The following PPIC variants were observed in gnomAD, a reference collection of about 807,000 sequenced individuals.
PPIC encodes peptidyl-prolyl cis-trans isomerase C.
PPIC carries 19 observed loss-of-function variants against 19.5 expected under a neutral mutation model. The ratio of observed to expected loss-of-function variants is 0.98; its 90% confidence interval spans 0.68 to 1.43. PPIC has a LOEUF of 1.43. Ranked by LOEUF, PPIC falls within the 40% of genes most tolerant of loss-of-function variation. The pLI is 0.00. For synonymous variants in PPIC, 107 were observed against 101.2 expected, an observed-to-expected ratio of 1.06 and a Z score of -0.34; for missense variants, 268 against 268.6, an observed-to-expected ratio of 1.00 and a Z score of 0.02.
intron 1 of PPIC, among the ~76,000 whole-genome samples, chr5:123,031,915 G>A (rs758997957): frequency 1.3e-5 from 2 of 152,210 alleles, no homozygotes; most frequent in Non-Finnish European, 2.9e-5. Flanking sequence ...TTGTGCCTCA[G>A]CCTCCAGAGT....
At chr5:123,026,479 T>C (rs1762856126) in intron 3 of PPIC, among the ~76,000 whole-genome samples, 2 of 152,066 alleles carry the variant, frequency 1.3e-5, no homozygotes, top group African/African-American at 4.8e-5. Flanking sequence ...CCCTGAAGAG[T>C]AGGTATTCTC....
At position 123,023,799 on chromosome 5, in the gene PPIC, GACA is replaced by G; in HGVS notation, c.*73_*75del. 8.3e-7 allele frequency: 1 copy of G among 1,202,644 alleles called. No individual in the cohort carries two copies. The highest frequency in any genetic ancestry group is 1.1e-6 in the Non-Finnish European group (1 of 922,012). The allele number at this position is 1,202,644 out of a possible 1,614,324, so 74.5% of individuals were successfully genotyped here. The stretch of plus-strand genomic sequence containing the variant: ...AAAAAAAAAAAGCAAATAATTGAAA[GACA>G]ACACAACACACACACACACACACAC... On this transcript the variant is annotated 3_prime_UTR_variant, in exon 5 of 5. Transcript: ENST00000306442.
Position 123,036,589 on chromosome 5 carries a change from G to A in PPIC, c.37C>T (p.Leu13Phe). ...ACAAGTGCGCCGAGCCCCACGCAAA[G>A]CACGAGAGGTAGCAGCAGCCGAGGA... ...PGPRLLLPLV[L>F]CVGLGALVFS... The change falls in exon 1 of 5, where the codon CTT becomes TTT. Residue 13 changes from leucine (L) to phenylalanine (F), a missense_variant. Transcript: ENST00000306442. This position sits in a 1 kb window ranked among gnomAD's most constrained non-coding sequence, Gnocchi z 4.5. 6.3e-7 allele frequency: 1 copy of A among 1,597,914 alleles called. No homozygotes were observed. Among genetic ancestry groups the A allele is most frequent in the African/African-American group, 1.3e-5 (1 of 74,882 alleles).
At chr5:123,032,815 G>A (rs1426167582) in intron 1 of PPIC, among the ~76,000 whole-genome samples, 1 of 152,152 alleles carries the variant, frequency 6.6e-6, no homozygotes, top group East Asian at 1.9e-4. Context: ...GATAAGTGTG[G>A]GCTTCCTGGG....
At chr5:123,026,604 G>C (rs991103510) in intron 3 of PPIC, among the ~76,000 whole-genome samples, 10 of 152,208 alleles carry the variant, frequency 6.6e-5, no homozygotes, top group African/African-American at 2.4e-4. Context: ...TCAGCACCAA[G>C]AGCAATAGCA....
chr5:123,036,328 G>C lies in PPIC; in HGVS notation c.117+181C>G. 2 of 608,438 alleles carry C rather than the reference G, an allele frequency of 3.3e-6. No homozygotes were observed. Among genetic ancestry groups the C allele is most frequent in the Non-Finnish European group, 2.9e-6 (1 of 346,078 alleles). 37.7% of individuals were successfully genotyped at this position (608,438 alleles called of 1,614,324 possible). Reference sequence around the variant, plus strand: ...GCCCAGCTCCCCCAGGGTCTCCCCCGGAGCGCCGGCCTCCCAGCACGCGAG... The same window carrying C: ...GCCCAGCTCCCCCAGGGTCTCCCCCCGAGCGCCGGCCTCCCAGCACGCGAG... On this transcript the variant is annotated intron_variant, in intron 1 of 4. Coordinates refer to ENST00000306442, the MANE Select transcript of PPIC (RefSeq NM_000943.5). The surrounding 1 kb of genome is among the most constrained non-coding windows in gnomAD (Gnocchi z 4.5).
At chr5:123,031,836 G>A (rs749332434) in intron 1 of PPIC, among the ~76,000 whole-genome samples, 5 of 152,114 alleles carry the variant, frequency 3.3e-5, no homozygotes, top group Admixed American at 1.3e-4. Context: ...TCATTCTGTC[G>A]TCTAGGCTGG....
chr5:123,026,832 G>C (rs1005665363), intron 3 of PPIC, among the ~76,000 whole-genome samples: 1 of 152,220 alleles, frequency 6.6e-6, no homozygotes, highest in East Asian at 1.9e-4. Flanking sequence ...GGTCTACCAG[G>C]CCCACCTCCC....
Position 123,023,288 on chromosome 5 carries a change from ATCTT to A in PPIC, c.*583_*586del, listed in dbSNP as rs1355322876. On this transcript the variant is annotated 3_prime_UTR_variant, in exon 5 of 5. Transcript: ENST00000306442. ...TTATGTTTGTAGTTTGATTTATAAAATCTTTCTAATCTGTTCACTGTTAATGCTA... is the reference window on the plus strand; with the variant it reads ...TTATGTTTGTAGTTTGATTTATAAAATCTAATCTGTTCACTGTTAATGCTA... 5 of 152,348 alleles carry A rather than the reference ATCTT, an allele frequency of 3.3e-5. No individual in the cohort carries two copies. The highest frequency in any genetic ancestry group is 3.4e-3 in the Middle Eastern group (1 of 294). 9.4% of individuals were successfully genotyped at this position (152,348 alleles called of 1,614,324 possible). A position where few individuals can be genotyped will look rare whatever the true frequency, so the allele number is the denominator to read the frequency against.
chr5:123,033,312 G>GC (rs1291945338), intron 1 of PPIC, among the ~76,000 whole-genome samples: 1 of 152,182 alleles, frequency 6.6e-6, no homozygotes, highest in Non-Finnish European at 1.5e-5. Context: ...TGGAGGTGGG[G>GC]CCTAATGCGA....
chr5:123,023,837 C>CACAT lies in PPIC; in HGVS notation c.*37_*38insATGT. 1 of 1,592,304 alleles carries CACAT rather than the reference C, an allele frequency of 6.3e-7. No individual in the cohort carries two copies. Among genetic ancestry groups the CACAT allele is most frequent in the Non-Finnish European group, 8.6e-7 (1 of 1,165,682 alleles). ...ACACACACACACACACACACACACA[C>CACAT]CCCTGCCAAAGCATATCCTTGTTTT... On this transcript the variant is annotated 3_prime_UTR_variant, in exon 5 of 5. Coordinates refer to ENST00000306442, the MANE Select transcript of PPIC (RefSeq NM_000943.5).
intron 3 of PPIC, among the ~76,000 whole-genome samples, chr5:123,026,595 C>G (rs959774799): frequency 6.6e-6 from 1 of 152,218 alleles, no homozygotes; most frequent in African/African-American, 2.4e-5. Flanking sequence ...TTTCTTGCCT[C>G]AGCACCAAGA....
At position 123,035,844 on chromosome 5, in the gene PPIC, G is replaced by T. The variant is rs45472699; in HGVS notation, c.117+665C>A. Among the ~76,000 whole-genome samples the T allele has an allele frequency of 8.0e-5, 12 of 150,900 alleles. No homozygotes were observed. In the East Asian group the frequency reaches 1.2e-3, roughly 15 times the overall value. On this transcript the variant is annotated intron_variant, in intron 1 of 4. Coordinates refer to ENST00000306442, the MANE Select transcript of PPIC (RefSeq NM_000943.5). ...TGGCAGCCCCCCGCCCCCTTTCCCCGCAGTGGAGGCTGCCCCAGGTCTACA... is the reference window on the plus strand; with the variant it reads ...TGGCAGCCCCCCGCCCCCTTTCCCCTCAGTGGAGGCTGCCCCAGGTCTACA...
At position 123,036,617 on chromosome 5, in the gene PPIC, C is replaced by A; in HGVS notation, c.9G>T (p.Pro3=). Residue 3 remains proline (P), a synonymous_variant, in exon 1 of 5, where the codon CCG becomes CCT. Transcript: ENST00000306442. This position sits in a 1 kb window ranked among gnomAD's most constrained non-coding sequence, Gnocchi z 4.5. ...CGAGAGGTAGCAGCAGCCGAGGACC[C>A]GGGCCCATGGTGAGCGGTGGCAGCG... MG[P]GPRLLLPLVL... is the part of the protein sequence containing the mutation. 1 of 1,587,450 alleles carries A rather than the reference C, an allele frequency of 6.3e-7. No homozygotes were observed. Among genetic ancestry groups the A allele is most frequent in the Non-Finnish European group, 8.6e-7 (1 of 1,168,470 alleles).
intron 4 of PPIC, 98 bp downstream of exon 4, chr5:123,025,686 G>A (rs2150188438): frequency 1.6e-6 from 2 of 1,259,616 alleles, no homozygotes; most frequent in Admixed American, 2.4e-5. Flanking sequence ...GCTATATAAT[G>A]GATCTCTAAC....
At chr5:123,027,493 G>A (rs918639996) in intron 3 of PPIC, among the ~76,000 whole-genome samples, 2 of 152,232 alleles carry the variant, frequency 1.3e-5, no homozygotes, top group East Asian at 1.9e-4. Flanking sequence ...CCGAGGGCAC[G>A]GGCACCAGCG....
chr5:123,031,065 A>G (rs192600790), intron 1 of PPIC, among the ~76,000 whole-genome samples: 14 of 151,960 alleles, frequency 9.2e-5, no homozygotes, highest in African/African-American at 2.9e-4. Flanking sequence ...TAGCACACAT[A>G]TTATTATAAT....
Position 123,023,668 on chromosome 5 carries a change from C to T in PPIC, c.*207G>A, listed in dbSNP as rs764327393. 3 of 679,316 alleles carry T rather than the reference C, an allele frequency of 4.4e-6. No individual in the cohort carries two copies. Among genetic ancestry groups the T allele is most frequent in the Non-Finnish European group, 6.1e-6 (3 of 489,658 alleles). 42.1% of individuals were successfully genotyped at this position (679,316 alleles called of 1,614,324 possible). A position where few individuals can be genotyped will look rare whatever the true frequency, so the allele number is the denominator to read the frequency against. On this transcript the variant is annotated 3_prime_UTR_variant, in exon 5 of 5. Coordinates refer to ENST00000306442, the MANE Select transcript of PPIC (RefSeq NM_000943.5). ...TTGAGGAAGGGGATATATTTAAGTT[C>T]AAAGTCCCTAAGCAGGTGGTTTACT...
chr5:123,029,185 G>T (rs958088725), intron 2 of PPIC, 120 bp downstream of exon 2: 14 of 1,548,062 alleles, frequency 9.0e-6, no homozygotes, highest in Middle Eastern at 1.8e-4. Context: ...GGAAAATAAA[G>T]TCAAATGTGG....
Sources: gnomAD v4.1 joint callset for allele counts (sites outside exome capture counted in the v4.1 genomes callset) on GRCh38, gnomAD v4.1.1 for gene constraint, Gnocchi (gnomAD v3.1) non-coding constraint, MANE v1.5 for transcripts, NCBI Gene and HGNC (gene_info 2026-07-23, HGNC 2026-07-21) for gene names.